The following GRID2IP variants were observed in gnomAD, a reference collection of about 807,000 sequenced individuals.
The protein encoded by GRID2IP is delphilin.
In GRID2IP, 78 loss-of-function variants were observed where a neutral mutation model predicts 114.3. That is an observed-to-expected ratio of 0.68 (90% CI 0.57 to 0.82). The LOEUF (loss-of-function observed/expected upper bound fraction) is 0.82. Among genes scored for constraint, GRID2IP ranks in the 40% least tolerant of loss-of-function variants. The probability of loss-of-function intolerance (pLI) is 0.00; values close to 1 mark genes in which losing one functional copy is unlikely to be tolerated. For missense variants in GRID2IP, 1,727 were observed against 1,678.5 expected (o/e 1.03, Z -0.51); for synonymous variants, 809 against 724.0 (o/e 1.12, Z -1.89).
intron 1 of GRID2IP, among the ~76,000 whole-genome samples, chr7:6,550,218 C>G (rs368626936): frequency 1.2e-4 from 18 of 152,136 alleles, no homozygotes; most frequent in Middle Eastern, 3.4e-3. Flanking sequence ...GCCTTGAACT[C>G]AGGGTCTCAA....
chr7:6,541,958 T>C (rs1022066624), intron 1 of GRID2IP, among the ~76,000 whole-genome samples: 1 of 152,100 alleles, frequency 6.6e-6, no homozygotes, highest in Non-Finnish European at 1.5e-5. Flanking sequence ...TTGCAGTACA[T>C]CCATGTGGGA....
chr7:6,503,437 G>T (rs975414538), intron 16 of GRID2IP, 54 bp downstream of exon 16: 17 of 1,433,588 alleles, frequency 1.2e-5, no homozygotes, highest in South Asian at 2.8e-5. Flanking sequence ...TGGCCACAGC[G>T]ACAGCCCCTG....
At chr7:6,517,211 C>A (rs866643457) in intron 7 of GRID2IP, among the ~76,000 whole-genome samples, 1 of 150,696 alleles carries the variant, frequency 6.6e-6, no homozygotes, top group Admixed American at 6.6e-5. Flanking sequence ...CCTGCCACCA[C>A]GCCCGGCTAT....
rs1779314492 is a variant in GRID2IP, at chr7:6,516,887, T to C, written c.1269-2358A>G. Among the ~76,000 whole-genome samples the C allele has an allele frequency of 6.6e-6, 1 of 152,080 alleles. No individual in the cohort carries two copies. Among genetic ancestry groups the C allele is most frequent in the African/African-American group, 2.4e-5 (1 of 41,398 alleles). ...TGGCGGACACGTGACTCACATGACC[T>C]TACCTATCATTGGAGATGACTCTCA... is the stretch of plus-strand genomic sequence containing the variant. On this transcript the variant is annotated intron_variant, in intron 7 of 21. Transcript: ENST00000457091. This position sits in a 1 kb window ranked among gnomAD's most constrained non-coding sequence, Gnocchi z 4.3.
At chr7:6,502,324 A>T (rs921376775) in intron 18 of GRID2IP, among the ~76,000 whole-genome samples, 1 of 152,072 alleles carries the variant, frequency 6.6e-6, no homozygotes, top group Non-Finnish European at 1.5e-5. Context: ...TCCTAGGCTC[A>T]AGCGATCCTT....
rs1253370574 is a variant in GRID2IP at position 6,532,921 on chromosome 7, G to A, written c.585-6152C>T. ...CATGCCTGTGGCCAGGTGACCCAGG[G>A]CAGCATGAGGTGGTCACCCAGTCAC... On this transcript the variant is annotated intron_variant, in intron 2 of 21. Transcript: ENST00000457091. The surrounding 1 kb of genome is among the most constrained non-coding windows in gnomAD (Gnocchi z 4.4). 1.3e-5 allele frequency among the ~76,000 whole-genome samples: 2 copies of A among 152,192 alleles called. No homozygotes were observed. The highest frequency in any genetic ancestry group is 4.8e-5 in the African/African-American group (2 of 41,458).
At chr7:6,503,397 C>T (rs890074497) in intron 16 of GRID2IP, 94 bp downstream of exon 16, 14 of 1,277,168 alleles carry the variant, frequency 1.1e-5, no homozygotes, top group African/African-American at 3.1e-5. Context: ...CAATGGCGGC[C>T]CCCGAAGGCG....
chr7:6,516,927 C>G lies in GRID2IP; in HGVS notation c.1269-2398G>C, dbSNP rs1203701642. On this transcript the variant is annotated intron_variant, in intron 7 of 21. Transcript: ENST00000457091. The surrounding 1 kb of genome is among the most constrained non-coding windows in gnomAD (Gnocchi z 4.3). ...GATGACTCTCACTCCATACCCTGCC[C>G]CTTTGCCTTGTACACAATAAATAAC... 1.3e-5 allele frequency among the ~76,000 whole-genome samples: 2 copies of G among 152,114 alleles called. No homozygotes were observed. The highest frequency in any genetic ancestry group is 2.4e-5 in the African/African-American group (1 of 41,434).
In GRID2IP at chr7:6,526,457, G is replaced by C. The variant is rs974906528; in HGVS notation, c.833+64C>G. 5 of 1,468,526 alleles carry C rather than the reference G, an allele frequency of 3.4e-6. No homozygotes were observed. The Admixed American group carries it at 1.1e-4, about 32-fold the overall frequency. 91.0% of individuals were successfully genotyped at this position (1,468,526 alleles called of 1,614,324 possible). ...GCCCCGCCCCTACGCCCTCTCCCCG[G>C]GTCTCGGTCCCGAGCCCACCCGCAG... On this transcript the variant is annotated intron_variant, in intron 3 of 21. Coordinates refer to ENST00000457091, the MANE Select transcript of GRID2IP (RefSeq NM_001145118.2). This position sits in a 1 kb window ranked among gnomAD's most constrained non-coding sequence, Gnocchi z 7.6.
At position 6,502,665 on chromosome 7, in the gene GRID2IP, G is replaced by A. The variant is rs534314873; in HGVS notation, c.3150+121C>T. ...TTCAATGTGGCCCTTTTCCTGCTAGGAGGAGAGCCCTCCTTGGTCACGATG... is the reference window on the plus strand; with the variant it reads ...TTCAATGTGGCCCTTTTCCTGCTAGAAGGAGAGCCCTCCTTGGTCACGATG... On this transcript the variant is annotated intron_variant, in intron 18 of 21. Coordinates refer to ENST00000457091, the MANE Select transcript of GRID2IP (RefSeq NM_001145118.2). 3,686 of 585,288 alleles carry A rather than the reference G, an allele frequency of 6.3e-3. 48 individuals carry two copies. The highest frequency in any genetic ancestry group is 0.029 in the South Asian group (1,690 of 57,660). The allele number at this position is 585,288 out of a possible 1,614,324, so 36.3% of individuals were successfully genotyped here. A position where few individuals can be genotyped will look rare whatever the true frequency, so the allele number is the denominator to read the frequency against.
In GRID2IP at chr7:6,532,963, G is replaced by C. The variant is rs924678300; in HGVS notation, c.585-6194C>G. Among the ~76,000 whole-genome samples, 6 of 152,192 alleles carry C rather than the reference G, an allele frequency of 3.9e-5. No individual in the cohort carries two copies. The highest frequency in any genetic ancestry group is 3.3e-4 in the Admixed American group (5 of 15,264). On this transcript the variant is annotated intron_variant, in intron 2 of 21. Transcript: ENST00000457091. This position sits in a 1 kb window ranked among gnomAD's most constrained non-coding sequence, Gnocchi z 4.4. The stretch of plus-strand genomic sequence containing the variant: ...CCCAGTCACTAGGTGATCACCAGGG[G>C]ACAGGCAACAGCCGGACTTCCCTGA...
rs1461607974 is a variant in GRID2IP at position 6,521,012 on chromosome 7, C to T, written c.1085-251G>A. ...TTGAGACAGAGTCTTGCTCTGTTGC[C>T]CAGGCGGGAGTGCAATGGCGTGATC... is the stretch of plus-strand genomic sequence containing the variant. On this transcript the variant is annotated intron_variant, in intron 6 of 21. Transcript: ENST00000457091. This position sits in a 1 kb window ranked among gnomAD's most constrained non-coding sequence, Gnocchi z 4.1. Among the ~76,000 whole-genome samples the T allele has an allele frequency of 6.6e-6, 1 of 152,122 alleles. No homozygotes were observed. The highest frequency in any genetic ancestry group is 1.5e-5 in the Non-Finnish European group (1 of 68,024).
At chr7:6,537,494 C>A (rs1028292220) in intron 2 of GRID2IP, among the ~76,000 whole-genome samples, 5 of 148,372 alleles carry the variant, frequency 3.4e-5, no homozygotes, top group African/African-American at 1.2e-4. Context: ...TCTCCTGCCT[C>A]AGCCTCCCCA....
At chr7:6,550,313 C>G (rs372321136) in intron 1 of GRID2IP, among the ~76,000 whole-genome samples, 2 of 151,974 alleles carry the variant, frequency 1.3e-5, no homozygotes, top group Non-Finnish European at 1.5e-5. Context: ...GGAGGATAGA[C>G]AGAGAAAGGG....
In GRID2IP at chr7:6,501,768, G is replaced by A. The variant is rs141014392; in HGVS notation, c.3399+13C>T. The A allele has an allele frequency of 6.5e-7, 1 of 1,537,206 alleles. No homozygotes were observed. Among genetic ancestry groups the A allele is most frequent in the Non-Finnish European group, 8.8e-7 (1 of 1,134,370 alleles). On this transcript the variant is annotated intron_variant, in intron 20 of 21. Transcript: ENST00000457091. ...ATCCAGCCTGGTGCAGGAACAGGCT[G>A]CTCAGAGGATGCCGACATGACCATT...
At chr7:6,535,838 T>C (rs1240565812) in intron 2 of GRID2IP, among the ~76,000 whole-genome samples, 1 of 152,164 alleles carries the variant, frequency 6.6e-6, no homozygotes, top group African/African-American at 2.4e-5. Context: ...AGGGCGGCAC[T>C]GCCCTCACCC....
chr7:6,548,791 G>A (rs1441755111), intron 1 of GRID2IP, among the ~76,000 whole-genome samples: 2 of 148,998 alleles, frequency 1.3e-5, no homozygotes, highest in Admixed American at 6.7e-5. Flanking sequence ...GCAGTGAGCC[G>A]AGATCACACC....
At chr7:6,515,058 A>G (rs1054832586) in intron 7 of GRID2IP, among the ~76,000 whole-genome samples, 3 of 152,010 alleles carry the variant, frequency 2.0e-5, no homozygotes, top group African/African-American at 7.2e-5. Flanking sequence ...GCCACTTACC[A>G]GCTAAGTGAC....
chr7:6,538,408 G>A (rs867270535), intron 2 of GRID2IP, among the ~76,000 whole-genome samples: 1 of 143,132 alleles, frequency 7.0e-6, no homozygotes, highest in African/African-American at 2.7e-5. Flanking sequence ...AACAAAACAA[G>A]AAAAGTAATC....
Sources: gnomAD v4.1 joint callset for allele counts (sites outside exome capture counted in the v4.1 genomes callset) on GRCh38, gnomAD v4.1.1 for gene constraint, Gnocchi (gnomAD v3.1) non-coding constraint, MANE v1.5 for transcripts, NCBI Gene and HGNC (gene_info 2026-07-23, HGNC 2026-07-21) for gene names.